Variants in DAB1 observed in about 807,000 individuals in gnomAD.
The protein encoded by DAB1 is disabled homolog 1.
DAB1 carries 15 observed loss-of-function variants against 64.6 expected under a neutral mutation model. That is an observed-to-expected ratio of 0.23 (90% confidence interval 0.16 to 0.36). The LOEUF (loss-of-function observed/expected upper bound fraction) is 0.36. Among genes scored for constraint, DAB1 ranks in the 10% least tolerant of loss-of-function variants. The pLI is 1.00. For synonymous variants in DAB1, 235 were observed against 251.9 expected (o/e 0.93, Z 0.64); for missense variants, 596 against 706.7 (o/e 0.84, Z 1.78).
At chr1:57,318,469 C>A (rs1003271737) in intron 1 of DAB1, among the ~76,000 whole-genome samples, 21 of 152,084 alleles carry the variant, frequency 1.4e-4, no homozygotes, top group African/African-American at 5.1e-4. Flanking sequence ...TCTTGATATA[C>A]CTCCATAAGC....
intron 6 of DAB1, among the ~76,000 whole-genome samples, chr1:57,736,254 A>G (rs1244042429): frequency 6.6e-6 from 1 of 152,180 alleles, no homozygotes; most frequent in East Asian, 1.9e-4. Flanking sequence ...ATTGGTGTTC[A>G]GGGAAGCCAG....
chr1:57,644,264 G>A (rs1008171419), intron 7 of DAB1, among the ~76,000 whole-genome samples: 2 of 152,212 alleles, frequency 1.3e-5, no homozygotes, highest in Non-Finnish European at 2.9e-5. Context: ...GGTCTGTGGC[G>A]ATGAGGTGGT....
intron 2 of DAB1, among the ~76,000 whole-genome samples, chr1:57,154,804 G>A (rs189891867): frequency 6.6e-6 from 1 of 152,258 alleles, no homozygotes; most frequent in African/African-American, 2.4e-5. Flanking sequence ...ATGACATTGA[G>A]CACCTTTTCA....
intron 2 of DAB1, among the ~76,000 whole-genome samples, chr1:57,179,959 T>G (rs2100963226): frequency 6.6e-6 from 1 of 152,298 alleles, no homozygotes; most frequent in South Asian, 2.1e-4. Flanking sequence ...TCTATGTTCT[T>G]TTTGTCCTAG....
chr1:57,396,106 G>T (rs139805525), intron 1 of DAB1, among the ~76,000 whole-genome samples: 1 of 152,208 alleles, frequency 6.6e-6, no homozygotes, highest in Admixed American at 6.5e-5. Context: ...GAGCAAAAGC[G>T]CTGAGAGGTC....
chr1:57,886,497 A>G (rs1197509183), upstream of DAB1, among the ~76,000 whole-genome samples: 2 of 152,198 alleles, frequency 1.3e-5, no homozygotes, highest in East Asian at 3.9e-4. Flanking sequence ...TACCACCAGC[A>G]GTTAACAAAT....
chr1:57,364,031 T>C (rs552047378), intron 1 of DAB1, among the ~76,000 whole-genome samples: 1 of 152,348 alleles, frequency 6.6e-6, no homozygotes, highest in East Asian at 1.9e-4. Flanking sequence ...AGGATTCAGA[T>C]TTCTTTCCTC....
chr1:58,004,390 T>C (rs1018584975), intron 5 of DAB1, among the ~76,000 whole-genome samples: 3 of 152,304 alleles, frequency 2.0e-5, no homozygotes, highest in African/African-American at 7.2e-5. Flanking sequence ...ACCTGCCATT[T>C]GAAGCACTTA....
At chr1:57,698,744 T>C (rs1315477252) in intron 6 of DAB1, among the ~76,000 whole-genome samples, 3 of 152,184 alleles carry the variant, frequency 2.0e-5, no homozygotes, top group East Asian at 1.9e-4. Flanking sequence ...AGTCTGATCA[T>C]AAACCCATTT....
intron 6 of DAB1, among the ~76,000 whole-genome samples, chr1:57,782,051 C>T (rs1323831): frequency 0.79 from 120,662 of 152,070 alleles, 48,149 homozygotes; most frequent in African/African-American, 0.86. Context: ...GCCTATTTTA[C>T]AGATGAGAAG....
chr1:57,996,935 G>A (rs912691419), intron 5 of DAB1, among the ~76,000 whole-genome samples: 3 of 152,136 alleles, frequency 2.0e-5, no homozygotes, highest in Non-Finnish European at 4.4e-5. Flanking sequence ...TAGGTAGTTA[G>A]GCATGAGCAG....
intron 2 of DAB1, among the ~76,000 whole-genome samples, chr1:57,159,950 C>T (rs777477458): frequency 6.6e-6 from 1 of 151,858 alleles, no homozygotes; most frequent in Non-Finnish European, 1.5e-5. Flanking sequence ...TGACGTCCTC[C>T]CATGAAGGCT....
chr1:57,330,555 A>T (rs1676573360), intron 1 of DAB1, among the ~76,000 whole-genome samples: 1 of 152,206 alleles, frequency 6.6e-6, no homozygotes, highest in Non-Finnish European at 1.5e-5. Flanking sequence ...AATGTCCACA[A>T]AGCATCAAGC....
intron 6 of DAB1, among the ~76,000 whole-genome samples, chr1:57,763,592 T>C (rs1649180064): frequency 1.3e-5 from 2 of 152,064 alleles, no homozygotes; most frequent in East Asian, 3.9e-4. Flanking sequence ...GGTAGGAGGA[T>C]TGCTTGAGCC....
At chr1:58,028,597 A>G (rs185097427) in intron 5 of DAB1, among the ~76,000 whole-genome samples, 5 of 152,370 alleles carry the variant, frequency 3.3e-5, no homozygotes, top group Admixed American at 3.3e-4. Flanking sequence ...GGGCTCAAAC[A>G]AGAAGGCAGA....
chr1:57,396,746 T>C (rs548245268), intron 1 of DAB1, among the ~76,000 whole-genome samples: 7 of 152,292 alleles, frequency 4.6e-5, no homozygotes, highest in African/African-American at 1.7e-4. Flanking sequence ...GGATGCTGCC[T>C]CTTAAGGATG....
intron 2 of DAB1, among the ~76,000 whole-genome samples, chr1:57,155,147 T>A (rs1660088055): frequency 6.6e-6 from 1 of 152,244 alleles, no homozygotes; most frequent in Admixed American, 6.5e-5. Context: ...CTTGTAGAAG[T>A]TTAATAGACT....
chr1:58,262,009 G>A lies in DAB1; in HGVS notation n.309+81343C>T, dbSNP rs115948492. Among the ~76,000 whole-genome samples the A allele has an allele frequency of 9.0e-3, 1,371 of 152,338 alleles. 23 individuals carry two copies. Among genetic ancestry groups the A allele is most frequent in the Non-Finnish European group, 0.016 (1,094 of 68,024 alleles). ...GCAACGGAGTCTGAAAGACGATTGAGTCTATATTCCCGTAGTGCAGAGGTT... is the reference window on the plus strand; with the variant it reads ...GCAACGGAGTCTGAAAGACGATTGAATCTATATTCCCGTAGTGCAGAGGTT... On this transcript the variant is annotated intron_variant and non_coding_transcript_variant, in intron 4 of 20. Coordinates refer to the DAB1 transcript ENST00000485760.
At chr1:57,673,272 C>G (rs1646528900) in intron 6 of DAB1, among the ~76,000 whole-genome samples, 1 of 152,106 alleles carries the variant, frequency 6.6e-6, no homozygotes, top group South Asian at 2.1e-4. Flanking sequence ...CCTAAGGCTC[C>G]ACCTCCAACT....
Sources: gnomAD v4.1 joint callset for allele counts (sites outside exome capture counted in the v4.1 genomes callset) on GRCh38, gnomAD v4.1.1 for gene constraint, MANE v1.5 for transcripts, NCBI Gene and HGNC (gene_info 2026-07-23, HGNC 2026-07-21) for gene names.